The following CASZ1 variants were observed in gnomAD, a reference collection of about 807,000 sequenced individuals.
CASZ1 encodes the protein zinc finger protein castor homolog 1.
CASZ1 carries 28 observed loss-of-function variants against 135.2 expected under a neutral mutation model. The ratio of observed to expected loss-of-function variants is 0.21; its 90% CI spans 0.15 to 0.28. The LOEUF is 0.28. Ranked by LOEUF, CASZ1 falls within the 10% of genes least tolerant of loss-of-function variation. CASZ1 has a pLI of 1.00. For missense variants in CASZ1, 2,161 were observed against 2,453.3 expected (o/e 0.88, Z 2.52); for synonymous variants, 1,068 against 1,073.4 (o/e 0.99, Z 0.10).
chr1:10,720,466 C>G lies in CASZ1; in HGVS notation c.-76-14922G>C, dbSNP rs1639476745. On this transcript the variant is annotated intron_variant, in intron 2 of 20. Transcript: ENST00000377022. This position sits in a 1 kb window ranked among gnomAD's most constrained non-coding sequence, Gnocchi z 5.7. ...GAAGCTCAGAAATGTCTAGAGGAGG[C>G]CACCCCTACTGCCTGCCCTGAAAAC... Among the ~76,000 whole-genome samples, 1 of 152,184 alleles carries G rather than the reference C, an allele frequency of 6.6e-6. No homozygotes were observed. The highest frequency in any genetic ancestry group is 2.4e-5 in the African/African-American group (1 of 41,438).
rs530608326 is a variant in CASZ1, at chr1:10,636,901, C to T, written c.*2041G>A. 1 of 151,904 alleles carries T rather than the reference C, an allele frequency of 6.6e-6. No individual in the cohort carries two copies. The highest frequency in any genetic ancestry group is 2.4e-5 in the African/African-American group (1 of 41,398). 9.4% of individuals were successfully genotyped at this position (151,904 alleles called of 1,614,324 possible). On this transcript the variant is annotated 3_prime_UTR_variant, in exon 21 of 21. Transcript: ENST00000377022. Reference sequence around the variant, plus strand: ...ATAGATATATACACACACATATGTGCATACATATTATTTGATATTTATATA... The same window carrying T: ...ATAGATATATACACACACATATGTGTATACATATTATTTGATATTTATATA...
Position 10,638,509 on chromosome 1 carries a change from G to T in CASZ1, c.*433C>A, listed in dbSNP as rs1299779508. 6.6e-6 allele frequency: 1 copy of T among 151,870 alleles called. No individual in the cohort carries two copies. The highest frequency in any genetic ancestry group is 2.0e-4 in the East Asian group (1 of 5,120). The allele number at this position is 151,870 out of a possible 1,614,324, so 9.4% of individuals were successfully genotyped here. A position where few individuals can be genotyped will look rare whatever the true frequency, so the allele number is the denominator to read the frequency against. ...GGGGGAGGATCCTAGCTGCATGAGG[G>T]AGGCCCCGCCAGCGGCTCCAGGAGC... On this transcript the variant is annotated 3_prime_UTR_variant, in exon 21 of 21. Coordinates refer to ENST00000377022, the MANE Select transcript of CASZ1 (RefSeq NM_001079843.3). This position sits in a 1 kb window ranked among gnomAD's most constrained non-coding sequence, Gnocchi z 5.9.
rs570921184 is a variant in CASZ1, at chr1:10,778,524, G to A, written c.-233-17667C>T. Reference sequence around the variant, plus strand: ...CAGTCACTCACACAATCTCAGACACGATCACACGCAAAACGATTTACACAC... The same window carrying A: ...CAGTCACTCACACAATCTCAGACACAATCACACGCAAAACGATTTACACAC... On this transcript the variant is annotated intron_variant, in intron 1 of 20. Coordinates refer to ENST00000377022, the MANE Select transcript of CASZ1 (RefSeq NM_001079843.3). Among the ~76,000 whole-genome samples, 28 of 151,908 alleles carry A rather than the reference G, an allele frequency of 1.8e-4. No homozygotes were observed. In the South Asian group the frequency reaches 4.4e-3, roughly 24 times the overall value.
rs369880059 is a variant in CASZ1 at position 10,642,852 on chromosome 1, C to T, written c.4162+7G>A. On this transcript the variant is annotated splice_region_variant and intron_variant, in intron 20 of 20. Transcript: ENST00000377022. The stretch of plus-strand genomic sequence containing the variant: ...GGCCCTGCCAGCAGCCCCTGCCTGC[C>T]GCTCACCTGCCGCGGTGCTCTCGTT... 43 of 1,611,204 alleles carry T rather than the reference C, an allele frequency of 2.7e-5. No homozygotes were observed. Among genetic ancestry groups the T allele is most frequent in the East Asian group, 8.9e-5 (4 of 44,862 alleles).
chr1:10,703,015 T>C (rs1570500410), intron 3 of CASZ1, among the ~76,000 whole-genome samples: 1 of 144,150 alleles, frequency 6.9e-6, no homozygotes, highest in Admixed American at 6.9e-5. Flanking sequence ...GTGCTATGGG[T>C]GGTGGGAAGG....
At chr1:10,732,230 C>T (rs1398454955) in intron 2 of CASZ1, among the ~76,000 whole-genome samples, 2 of 149,348 alleles carry the variant, frequency 1.3e-5, no homozygotes, top group African/African-American at 4.9e-5. Flanking sequence ...GAGGCTGAGG[C>T]AGGAGAATCA....
In CASZ1 at chr1:10,642,986, C is replaced by T. The variant is rs1202584060; in HGVS notation, c.4035G>A (p.Leu1345=). 6.2e-7 allele frequency: 1 copy of T among 1,612,884 alleles called. No individual in the cohort carries two copies. Among genetic ancestry groups the T allele is most frequent in the Non-Finnish European group, 8.5e-7 (1 of 1,179,862 alleles). The part of the protein sequence containing the change: ...RVPPSQGPPG[L]MDAETDECMD... Reference sequence around the variant, plus strand: ...TGCACTCATCTGTCTCAGCATCCATCAGGCCTGGGGGGCCCTGAAAGGACA... The same window carrying T: ...TGCACTCATCTGTCTCAGCATCCATTAGGCCTGGGGGGCCCTGAAAGGACA... The change falls in exon 20 of 21, where the codon CTG becomes CTA. Residue 1345 remains leucine, a synonymous_variant. Coordinates refer to ENST00000377022, the MANE Select transcript of CASZ1 (RefSeq NM_001079843.3).
intron 4 of CASZ1, among the ~76,000 whole-genome samples, chr1:10,675,790 T>TGGGGGGGGGGGGGGGC: frequency 1.0e-5 from 1 of 98,086 alleles, no homozygotes; most frequent in Non-Finnish European, 1.8e-5. Flanking sequence ...GCCTAGCACA[T>TGGGGGGGGGGGGGGGC]GACCCCCCCC....
At chr1:10,655,161 C>G (rs1208001524) in intron 9 of CASZ1, among the ~76,000 whole-genome samples, 1 of 152,182 alleles carries the variant, frequency 6.6e-6, no homozygotes, top group Non-Finnish European at 1.5e-5. Context: ...GCCCCCCTCT[C>G]CTCGTGGCCC....
chr1:10,657,783 G>A lies in CASZ1; in HGVS notation c.1409+725C>T, dbSNP rs903644989. On this transcript the variant is annotated intron_variant, in intron 7 of 20. Transcript: ENST00000377022. This position sits in a 1 kb window ranked among gnomAD's most constrained non-coding sequence, Gnocchi z 5.7. ...AGCCGCTGGGTGCTGCCCCATCAGAGGGCAGGCGGTGGGGGGGTGGGGGCG... is the reference window on the plus strand; with the variant it reads ...AGCCGCTGGGTGCTGCCCCATCAGAAGGCAGGCGGTGGGGGGGTGGGGGCG... Among the ~76,000 whole-genome samples, 6 of 150,644 alleles carry A rather than the reference G, an allele frequency of 4.0e-5. No homozygotes were observed. The highest frequency in any genetic ancestry group is 1.5e-4 in the African/African-American group (6 of 40,840).
intron 4 of CASZ1, among the ~76,000 whole-genome samples, chr1:10,690,802 A>C (rs1036904369): frequency 6.6e-6 from 1 of 152,224 alleles, no homozygotes; most frequent in Admixed American, 6.5e-5. Context: ...CAAGAAGAGA[A>C]GGGGCAACTA....
In CASZ1 at chr1:10,773,475, T is replaced by C. The variant is rs1640609981; in HGVS notation, c.-233-12618A>G. On this transcript the variant is annotated intron_variant, in intron 1 of 20. Coordinates refer to ENST00000377022, the MANE Select transcript of CASZ1 (RefSeq NM_001079843.3). Reference sequence around the variant, plus strand: ...CAAGCCAGACAGTCAGCGAGACAGCTGACAGGTGCAGGACAGTGGGACCCG... The same window carrying C: ...CAAGCCAGACAGTCAGCGAGACAGCCGACAGGTGCAGGACAGTGGGACCCG... Among the ~76,000 whole-genome samples, 3 of 151,692 alleles carry C rather than the reference T, an allele frequency of 2.0e-5. No homozygotes were observed. The South Asian group carries it at 6.3e-4, about 32-fold the overall frequency.
chr1:10,662,270 C>T (rs951207320), intron 5 of CASZ1, among the ~76,000 whole-genome samples: 1 of 136,440 alleles, frequency 7.3e-6, no homozygotes, highest in Admixed American at 7.1e-5. Context: ...CACACACAGT[C>T]ACATGCTCAC....
At chr1:10,732,169 A>C (rs1639712789) in intron 2 of CASZ1, among the ~76,000 whole-genome samples, 1 of 151,852 alleles carries the variant, frequency 6.6e-6, no homozygotes, top group Non-Finnish European at 1.5e-5. Context: ...TACTAAAAAT[A>C]TAAAAATTAG....
chr1:10,702,209 G>A (rs558235173), intron 3 of CASZ1, among the ~76,000 whole-genome samples: 3 of 152,276 alleles, frequency 2.0e-5, no homozygotes, highest in Non-Finnish European at 2.9e-5. Flanking sequence ...CAGCCCTGGC[G>A]GGGTCTTCAT....
chr1:10,664,460 G>A (rs1342750160), intron 5 of CASZ1, among the ~76,000 whole-genome samples: 3 of 152,028 alleles, frequency 2.0e-5, no homozygotes, highest in African/African-American at 7.2e-5. Context: ...CCAGGGGACC[G>A]TGGCCGGGGC....
rs1434058251 is a variant in CASZ1 at position 10,774,067 on chromosome 1, C to T, written c.-233-13210G>A. On this transcript the variant is annotated intron_variant, in intron 1 of 20. Coordinates refer to ENST00000377022, the MANE Select transcript of CASZ1 (RefSeq NM_001079843.3). This position sits in a 1 kb window ranked among gnomAD's most constrained non-coding sequence, Gnocchi z 4.4. ...TGGGACCTGAGGGAGTGGGCAGGTG[C>T]CTGCACAGAGGCCAGGTGCTCCTGG... is the stretch of plus-strand genomic sequence containing the variant. Among the ~76,000 whole-genome samples, 5 of 152,152 alleles carry T rather than the reference C, an allele frequency of 3.3e-5. No homozygotes were observed. Among genetic ancestry groups the T allele is most frequent in the Non-Finnish European group, 7.4e-5 (5 of 68,022 alleles).
rs114074189 is a variant in CASZ1 at position 10,792,918 on chromosome 1, T to C, written c.-234+3646A>G. 7.7e-3 allele frequency among the ~76,000 whole-genome samples: 1,179 copies of C among 152,244 alleles called. 20 individuals carry two copies. Among genetic ancestry groups the C allele is most frequent in the African/African-American group, 0.027 (1,111 of 41,538 alleles). On this transcript the variant is annotated intron_variant, in intron 1 of 20. Transcript: ENST00000377022. ...TTGACTAAAAACTCCTTTTCCCCTC[T>C]TCCCAGAGGCTAATTTTCCTAAAAC...
chr1:10,683,890 G>A (rs7555370), intron 4 of CASZ1, among the ~76,000 whole-genome samples: 49,667 of 152,112 alleles, frequency 0.33, 9,996 homozygotes, highest in Non-Finnish European at 0.44. Context: ...ACACATCGGG[G>A]CCAGAGATGT....
Sources: gnomAD v4.1 joint callset for allele counts (sites outside exome capture counted in the v4.1 genomes callset) on GRCh38, gnomAD v4.1.1 for gene constraint, Gnocchi (gnomAD v3.1) non-coding constraint, MANE v1.5 for transcripts, NCBI Gene and HGNC (gene_info 2026-07-23, HGNC 2026-07-21) for gene names.